The following IGSF21 variants were observed in gnomAD, a reference collection of about 807,000 sequenced individuals.
The protein encoded by IGSF21 is immunoglobin superfamily member 21.
A neutral mutation model predicts 46.8 loss-of-function variants in IGSF21; 28 were observed. The ratio of observed to expected loss-of-function variants is 0.60; its 90% CI spans 0.44 to 0.82. The LOEUF (loss-of-function observed/expected upper bound fraction) is 0.82, where lower values mean the gene tolerates loss of function less well. IGSF21 is among the 40% of genes least tolerant of loss of function. IGSF21 has a pLI of 0.00. For missense variants in IGSF21, 624 were observed against 665.5 expected (o/e 0.94, Z 0.69); for synonymous variants, 284 against 273.6 (o/e 1.04, Z -0.38).
chr1:18,288,336 T>C (rs2085234818), intron 2 of IGSF21, among the ~76,000 whole-genome samples: 1 of 152,152 alleles, frequency 6.6e-6, no homozygotes, highest in African/African-American at 2.4e-5. Context: ...CCTTCAGAAG[T>C]GTCAGAACAT....
intron 1 of IGSF21, among the ~76,000 whole-genome samples, chr1:18,125,761 T>A (rs986727594): frequency 1.3e-5 from 2 of 152,100 alleles, no homozygotes; most frequent in Non-Finnish European, 2.9e-5. Flanking sequence ...CGTGAACAGA[T>A]AACGTAAGGA....
intron 1 of IGSF21, 64 bp downstream of exon 1, chr1:18,108,262 GA>G: frequency 2.3e-6 from 3 of 1,304,482 alleles, no homozygotes; most frequent in South Asian, 2.1e-5. Context: ...GGTGCCGGGG[GA>G]GGGCGCTGGC....
At chr1:18,318,120 T>C (rs144360749) in intron 3 of IGSF21, among the ~76,000 whole-genome samples, 1 of 152,162 alleles carries the variant, frequency 6.6e-6, no homozygotes, top group Non-Finnish European at 1.5e-5. Context: ...TATAGATGGC[T>C]CTTCCCAAAC....
Position 18,368,403 on chromosome 1 carries a change from C to A in IGSF21, c.1015+2706C>A, listed in dbSNP as rs552754186. On this transcript the variant is annotated intron_variant, in intron 6 of 9. Coordinates refer to ENST00000251296, the MANE Select transcript of IGSF21 (RefSeq NM_032880.5). Reference sequence around the variant, plus strand: ...GTGTGTGCCTATAATCCCAGCTACTCAGGAGGCTGAGACAGGAGAATCACT... The same window carrying A: ...GTGTGTGCCTATAATCCCAGCTACTAAGGAGGCTGAGACAGGAGAATCACT... Among the ~76,000 whole-genome samples, 20 of 151,190 alleles carry A rather than the reference C, an allele frequency of 1.3e-4. No homozygotes were observed. The South Asian group carries it at 4.2e-3, about 32-fold the overall frequency.
intron 1 of IGSF21, among the ~76,000 whole-genome samples, chr1:18,212,890 G>A (rs933898607): frequency 2.0e-5 from 3 of 152,232 alleles, no homozygotes. Context: ...AGGACATGGA[G>A]AAAGTTCCAG....
chr1:18,244,962 T>G (rs2084770604), intron 2 of IGSF21, among the ~76,000 whole-genome samples: 1 of 152,208 alleles, frequency 6.6e-6, no homozygotes, highest in South Asian at 2.1e-4. Flanking sequence ...TTAACCTCTC[T>G]GTGCTCCAGT....
At chr1:18,292,024 A>T (rs370995125) in intron 3 of IGSF21, 37 bp downstream of exon 3, 108 of 1,473,618 alleles carry the variant, frequency 7.3e-5, no homozygotes, top group East Asian at 1.5e-4. Flanking sequence ...CAGCGGGGGA[A>T]GGGCGGAGGG....
At chr1:18,274,098 GC>G (rs1451743738) in intron 2 of IGSF21, among the ~76,000 whole-genome samples, 4 of 152,178 alleles carry the variant, frequency 2.6e-5, no homozygotes, top group African/African-American at 9.6e-5. Flanking sequence ...TTGGGTATTG[GC>G]TAACTTGTTT....
chr1:18,365,320 G>A lies in IGSF21; in HGVS notation c.638G>A (p.Arg213His), dbSNP rs1180526990. Reference sequence around the variant, plus strand: ...CCCCTACAGGACAGCAGGCCCTTCCGCAGCCTTCTGCACCGTGACCTGGAT... The same window carrying A: ...CCCCTACAGGACAGCAGGCCCTTCCACAGCCTTCTGCACCGTGACCTGGAT... ...SGPLQDSRPF[R>H]SLLHRDLDDT... Residue 213 changes from arginine to histidine, a missense_variant, in exon 6 of 10, where the codon CGC becomes CAC. Coordinates refer to ENST00000251296, the MANE Select transcript of IGSF21 (RefSeq NM_032880.5). This position sits in a 1 kb window ranked among gnomAD's most constrained non-coding sequence, Gnocchi z 4.8. 1.4e-5 allele frequency: 22 copies of A among 1,613,860 alleles called. No homozygotes were observed. The highest frequency in any genetic ancestry group is 2.2e-5 in the East Asian group (1 of 44,866).
intron 1 of IGSF21, among the ~76,000 whole-genome samples, chr1:18,210,381 C>T (rs990515721): frequency 2.0e-5 from 3 of 152,172 alleles, no homozygotes; most frequent in Non-Finnish European, 2.9e-5. Context: ...AAAATATGTT[C>T]CAGAGAGCAG....
intron 1 of IGSF21, among the ~76,000 whole-genome samples, chr1:18,219,422 G>A (rs1045194565): frequency 2.0e-5 from 3 of 152,140 alleles, no homozygotes; most frequent in Non-Finnish European, 2.9e-5. Flanking sequence ...AGAGTGAGGG[G>A]AGCTGAAATC....
intron 2 of IGSF21, among the ~76,000 whole-genome samples, chr1:18,235,652 T>C (rs2084665942): frequency 6.6e-6 from 1 of 152,094 alleles, no homozygotes; most frequent in African/African-American, 2.4e-5. Flanking sequence ...GGGGGTGATG[T>C]TGGAAAAATG....
chr1:18,367,959 C>T (rs1239892771), intron 6 of IGSF21, among the ~76,000 whole-genome samples: 3 of 151,998 alleles, frequency 2.0e-5, no homozygotes, highest in African/African-American at 7.3e-5. Context: ...TAAAGGCTAA[C>T]ATTTAGTGAG....
intron 3 of IGSF21, among the ~76,000 whole-genome samples, chr1:18,301,709 T>C (rs2085363768): frequency 6.6e-6 from 1 of 152,114 alleles, no homozygotes; most frequent in Non-Finnish European, 1.5e-5. Flanking sequence ...CGTGAGCTTG[T>C]CTCTCCACCC....
chr1:18,277,627 G>T (rs2085114848), intron 2 of IGSF21, among the ~76,000 whole-genome samples: 1 of 152,176 alleles, frequency 6.6e-6, no homozygotes, highest in Non-Finnish European at 1.5e-5. Context: ...AAACTGTCCA[G>T]GTGCCTTTTA....
At position 18,290,382 on chromosome 1, in the gene IGSF21, G is replaced by A. The variant is rs190590453; in HGVS notation, c.184-1484G>A. ...AGAGATAGGAGGGGTGTGGGCTTAC[G>A]GAGGGGTAAGGAGAAGCCGTGCCCT... On this transcript the variant is annotated intron_variant, in intron 2 of 9. Transcript: ENST00000251296. This position sits in a 1 kb window ranked among gnomAD's most constrained non-coding sequence, Gnocchi z 4.2. 3.3e-5 allele frequency among the ~76,000 whole-genome samples: 5 copies of A among 152,284 alleles called. No homozygotes were observed. The highest frequency in any genetic ancestry group is 4.8e-5 in the African/African-American group (2 of 41,566).
intron 1 of IGSF21, chr1:18,115,935 A>G (rs1254996401): frequency 1.3e-5 from 2 of 152,022 alleles, no homozygotes; most frequent in African/African-American, 4.8e-5. Context: ...GGGAGGAGCA[A>G]GCATTCACCG....
At chr1:18,251,694 T>A (rs891859836) in intron 2 of IGSF21, among the ~76,000 whole-genome samples, 3 of 152,154 alleles carry the variant, frequency 2.0e-5, no homozygotes, top group Non-Finnish European at 4.4e-5. Flanking sequence ...AAACAAGATT[T>A]GGGGATCATA....
intron 1 of IGSF21, among the ~76,000 whole-genome samples, chr1:18,180,562 A>G (rs1266874568): frequency 1.3e-5 from 2 of 152,190 alleles, no homozygotes; most frequent in African/African-American, 4.8e-5. Context: ...GTGGTTTGGA[A>G]GGCGCAGTTA....
Sources: allele counts gnomAD v4.1 joint callset (sites outside exome capture counted in the v4.1 genomes callset), GRCh38; gene constraint gnomAD v4.1.1; non-coding constraint Gnocchi (gnomAD v3.1); transcripts MANE v1.5; gene names NCBI Gene and HGNC (gene_info 2026-07-23, HGNC 2026-07-21).